Variants in HLA-DRB1 observed in about 807,000 individuals in gnomAD.
The protein encoded by HLA-DRB1 is major histocompatibility complex, class II, DR beta 1 precursor.
In HLA-DRB1, 10 loss-of-function variants were observed where a neutral mutation model predicts 27.9. The observed-to-expected ratio is 0.36, with a 90% confidence interval of 0.22 to 0.61. The LOEUF (loss-of-function observed/expected upper bound fraction) is 0.61, where lower values mean the gene tolerates loss of function less well. Ranked by LOEUF, HLA-DRB1 falls within the 20% of genes least tolerant of loss-of-function variation. The pLI is 0.73. For synonymous variants in HLA-DRB1, 57 were observed against 126.7 expected, an observed-to-expected ratio of 0.45 and a Z score of 3.69; for missense variants, 118 against 306.3, an observed-to-expected ratio of 0.39 and a Z score of 4.59.
At chr6:32,580,937 A>G (rs1334336852) in intron 3 of HLA-DRB1, 81 bp from the exon 4 acceptor site, 127 of 1,011,846 alleles carry the variant, frequency 1.3e-4, no homozygotes, top group Non-Finnish European at 1.7e-4. Context: ...AGAGCTTTGA[A>G]AATGGGGCAG....
In HLA-DRB1 at chr6:32,583,825, A is replaced by C. The variant is rs1197528482; in HGVS notation, c.370+284T>G. 2.5e-3 allele frequency among the ~76,000 whole-genome samples: 189 copies of C among 74,824 alleles called. 23 individuals carry two copies. The highest frequency in any genetic ancestry group is 9.3e-3 in the South Asian group (18 of 1,944). 49.1% of individuals were successfully genotyped at this position (74,824 alleles called of 152,430 possible). On this transcript the variant is annotated intron_variant, in intron 2 of 5. Coordinates refer to ENST00000360004, the Ensembl canonical transcript of HLA-DRB1. ...CACCTCCCTTGTCACCTCCCCACAGAGGTCTCCAAGGATAAGAAACAGCCC... is the reference window on the plus strand; with the variant it reads ...CACCTCCCTTGTCACCTCCCCACAGCGGTCTCCAAGGATAAGAAACAGCCC...
In HLA-DRB1 at chr6:32,581,151, A is replaced by G. The variant is rs148946804; in HGVS notation, c.653-295T>C. 0.023 allele frequency among the ~76,000 whole-genome samples: 1,841 copies of G among 80,180 alleles called. 497 individuals are homozygous for G. The South Asian group carries it at 0.24, about 10-fold the overall frequency. 52.6% of individuals were successfully genotyped at this position (80,180 alleles called of 152,430 possible). A position where few individuals can be genotyped will look rare whatever the true frequency, so the allele number is the denominator to read the frequency against. On this transcript the variant is annotated intron_variant, in intron 3 of 5. Transcript: ENST00000360004. The stretch of plus-strand genomic sequence containing the variant: ...GTTTGTCTAGAGTGACAAAGCTAAT[A>G]AAAAGCAGGGCTGAGATTGGACTCC...
intron 1 of HLA-DRB1, among the ~76,000 whole-genome samples, chr6:32,584,872 G>T (rs1286845752): frequency 8.2e-6 from 1 of 121,750 alleles, no homozygotes; most frequent in East Asian, 2.3e-4. Context: ...TCCTCTGGGG[G>T]AGCTTAAAGA....
rs202050538 is a variant in HLA-DRB1, at chr6:32,584,008, GTC to G, written c.370+99_370+100del. The G allele has an allele frequency of 6.5e-3, 1,009 of 154,674 alleles. 95 individuals are homozygous for G. Among genetic ancestry groups the G allele is most frequent in the South Asian group, 0.045 (644 of 14,164 alleles). The allele number at this position is 154,674 out of a possible 1,614,324, so 9.6% of individuals were successfully genotyped here. Reference sequence around the variant, plus strand: ...TCTCTTCCTCTCTCTGTCTCTCTCTGTCTCTCTCTCACACACACACACACACA... The same window carrying G: ...TCTCTTCCTCTCTCTGTCTCTCTCTGTCTCTCTCACACACACACACACACA... On this transcript the variant is annotated intron_variant, in intron 2 of 5. Coordinates refer to ENST00000360004, the Ensembl canonical transcript of HLA-DRB1.
exon 1 of HLA-DRB1, chr6:32,589,767 G>T (rs760558042): frequency 0.11 from 50,235 of 447,378 alleles, 1,404 homozygotes; most frequent in East Asian, 0.18. Context: ...CAGGACCAGG[G>T]GCCAGAGAAG....
chr6:32,586,813 A>G (rs1776464800), intron 1 of HLA-DRB1, among the ~76,000 whole-genome samples: 1 of 92,110 alleles, frequency 1.1e-5, no homozygotes, highest in Non-Finnish European at 2.3e-5. Flanking sequence ...TATCTCAATA[A>G]ACAACACTAC....
chr6:32,588,732 C>A lies in HLA-DRB1; in HGVS notation c.100+911G>T, dbSNP rs1367588712. Among the ~76,000 whole-genome samples the A allele has an allele frequency of 1.3e-3, 87 of 69,358 alleles. 3 individuals are homozygous for A. Among genetic ancestry groups the A allele is most frequent in the African/African-American group, 4.6e-3 (78 of 17,026 alleles). The allele number at this position is 69,358 out of a possible 152,430, so 45.5% of individuals were successfully genotyped here. On this transcript the variant is annotated intron_variant, in intron 1 of 5. Coordinates refer to ENST00000360004, the Ensembl canonical transcript of HLA-DRB1. ...TGTTCACATCATCTCGGTAACCCCA[C>A]ACAGAGTATATAGTTTGAACATTAT... is the stretch of plus-strand genomic sequence containing the variant.
intron 1 of HLA-DRB1, among the ~76,000 whole-genome samples, chr6:32,587,775 A>G (rs1159526647): frequency 0.033 from 3,307 of 100,514 alleles, 180 homozygotes; most frequent in East Asian, 0.046. Context: ...ATGACTCTCT[A>G]ACATTATCTT....
chr6:32,585,683 A>T (rs868556572), intron 1 of HLA-DRB1, among the ~76,000 whole-genome samples: 255 of 97,482 alleles, frequency 2.6e-3, no homozygotes, highest in Middle Eastern at 0.022. Context: ...TAGGGCAGAA[A>T]CACTGGTTTA....
At chr6:32,586,860 A>T in intron 1 of HLA-DRB1, among the ~76,000 whole-genome samples, 1 of 87,466 alleles carries the variant, frequency 1.1e-5, no homozygotes, top group African/African-American at 4.1e-5. Flanking sequence ...CCTTAGGAAT[A>T]AGCTTGATTG....
chr6:32,584,687 C>G (rs1776130619), intron 1 of HLA-DRB1, among the ~76,000 whole-genome samples: 1 of 102,930 alleles, frequency 9.7e-6, no homozygotes, highest in East Asian at 2.8e-4. Flanking sequence ...GCAGCCCGCG[C>G]CGCCTCCTCC....
intron 1 of HLA-DRB1, among the ~76,000 whole-genome samples, chr6:32,587,745 T>C (rs7741969): frequency 3.0e-5 from 4 of 135,436 alleles, no homozygotes; most frequent in East Asian, 5.1e-4. Context: ...ACAAACCTGA[T>C]GTCTTTTCTT....
At chr6:32,589,247 T>A (rs144743781) in intron 1 of HLA-DRB1, among the ~76,000 whole-genome samples, 32 of 133,944 alleles carry the variant, frequency 2.4e-4, no homozygotes, top group Middle Eastern at 9.1e-3. Flanking sequence ...GGAGAGACCC[T>A]TTGAATTCCC....
At chr6:32,584,704 C>CTT (rs1776135415) in intron 1 of HLA-DRB1, among the ~76,000 whole-genome samples, 1 of 7,782 alleles carries the variant, frequency 1.3e-4, no homozygotes, top group Non-Finnish European at 2.9e-4. Flanking sequence ...CTCCTGGGAG[C>CTT]CCCAAAGACA....
At chr6:32,587,712 G>A (rs13208071) in intron 1 of HLA-DRB1, among the ~76,000 whole-genome samples, 18,782 of 99,108 alleles carry the variant, frequency 0.19, 2,172 homozygotes, top group African/African-American at 0.24. Context: ...ACTAAAGTAG[G>A]TGAATCCATG....
intron 1 of HLA-DRB1, among the ~76,000 whole-genome samples, chr6:32,586,323 C>A: frequency 1.1e-5 from 1 of 93,302 alleles, no homozygotes; most frequent in Non-Finnish European, 2.2e-5. Flanking sequence ...TTCAAATGGT[C>A]CAATCCAGTT....
At chr6:32,588,935 G>A (rs1776946433) in intron 1 of HLA-DRB1, among the ~76,000 whole-genome samples, 1 of 122,306 alleles carries the variant, frequency 8.2e-6, no homozygotes, top group Non-Finnish European at 1.8e-5. Flanking sequence ...TTTTTCAGAG[G>A]ATGCCTTAAG....
At chr6:32,579,655 G>C (rs9269733) in intron 5 of HLA-DRB1, among the ~76,000 whole-genome samples, 23,263 of 59,428 alleles carry the variant, frequency 0.39, 10,468 homozygotes, top group Admixed American at 0.43. Flanking sequence ...TTAAAGAGTG[G>C]TGATTGGCCC....
intron 1 of HLA-DRB1, among the ~76,000 whole-genome samples, chr6:32,584,607 A>G (rs1233857998): frequency 1.7e-5 from 2 of 115,384 alleles, no homozygotes; most frequent in Admixed American, 8.7e-5. Context: ...GGCTTTTGGG[A>G]CCCCCTCCCT....
Sources: gnomAD v4.1 joint callset for allele counts (sites outside exome capture counted in the v4.1 genomes callset) on GRCh38, gnomAD v4.1.1 for gene constraint, MANE v1.5 for transcripts, NCBI Gene and HGNC (gene_info 2026-07-23, HGNC 2026-07-21) for gene names.